SKA1: variants seen among roughly 807,000 people sequenced by gnomAD.
SKA1 encodes the protein spindle and kinetochore associated complex subunit 1.
SKA1 carries 20 observed loss-of-function variants against 31.8 expected under a neutral mutation model. The observed-to-expected ratio is 0.63, with a 90% CI of 0.44 to 0.91. The LOEUF (loss-of-function observed/expected upper bound fraction) is 0.91, where lower values mean the gene tolerates loss of function less well. Among genes scored for constraint, SKA1 ranks in the 40% least tolerant of loss-of-function variants. The probability of loss-of-function intolerance (pLI) is 0.00; values close to 1 mark genes in which losing one functional copy is unlikely to be tolerated. For missense variants in SKA1, 253 were observed against 298.2 expected, an observed-to-expected ratio of 0.85 and a Z score of 1.12; for synonymous variants, 88 against 100.5, an observed-to-expected ratio of 0.88 and a Z score of 0.74.
intron 2 of SKA1, among the ~76,000 whole-genome samples, chr18:50,378,674 CAAAAAAAA>C (rs60131407): frequency 0.037 from 4,837 of 130,166 alleles, 86 homozygotes; most frequent in African/African-American, 0.047. Context: ...GACCCTGTCT[CAAAAAAAA>C]AAAAAAAAAA....
chr18:50,377,477 A>G (rs1345355839), intron 2 of SKA1, among the ~76,000 whole-genome samples: 2 of 152,252 alleles, frequency 1.3e-5, no homozygotes, highest in Non-Finnish European at 2.9e-5. Flanking sequence ...TCACTGGGAA[A>G]TAACTAATTG....
At chr18:50,383,072 C>T (rs1476704605) in intron 4 of SKA1, among the ~76,000 whole-genome samples, 1 of 152,086 alleles carries the variant, frequency 6.6e-6, no homozygotes, top group African/African-American at 2.4e-5. Flanking sequence ...GAACAATAAG[C>T]TTAGCTCTTT....
Position 50,375,818 on chromosome 18 carries a change from A to G in SKA1, c.-11-2A>G, listed in dbSNP as rs573748449. On this transcript the variant is annotated splice_acceptor_variant, in intron 1 of 6. Coordinates refer to ENST00000285116, the MANE Select transcript of SKA1 (RefSeq NM_145060.4). LOFTEE classifies it low-confidence loss of function (5UTR_SPLICE). ...CGAATATGTTTATGTTTTTTTCTTCAGAGGCTTAAAGGATGGCCTCGTCAG... is the reference window on the plus strand; with the variant it reads ...CGAATATGTTTATGTTTTTTTCTTCGGAGGCTTAAAGGATGGCCTCGTCAG... 41 of 1,552,926 alleles carry G rather than the reference A, an allele frequency of 2.6e-5. No individual in the cohort carries two copies. The highest frequency in any genetic ancestry group is 3.5e-5 in the Non-Finnish European group (40 of 1,148,464).
rs751121337 is a variant in SKA1 at position 50,383,235 on chromosome 18, G to A, written c.311+1009G>A. 1.1e-3 allele frequency among the ~76,000 whole-genome samples: 172 copies of A among 152,188 alleles called. 1 individual carries two copies. Among genetic ancestry groups the A allele is most frequent in the Admixed American group, 1.8e-3 (28 of 15,290 alleles). The stretch of plus-strand genomic sequence containing the variant: ...GTCATGAAGAGGTCAAAAATCCCTC[G>A]TCAGCCCTGGTTCTACTTCTAAGAT... On this transcript the variant is annotated intron_variant, in intron 4 of 6. Transcript: ENST00000285116.
chr18:50,376,313 G>A (rs999575330), intron 2 of SKA1, among the ~76,000 whole-genome samples: 4 of 152,168 alleles, frequency 2.6e-5, no homozygotes, highest in Non-Finnish European at 5.9e-5. Flanking sequence ...TAGAATGTAC[G>A]TAAATGTACA....
intron 4 of SKA1, among the ~76,000 whole-genome samples, chr18:50,383,920 C>T (rs1215056686): frequency 6.6e-6 from 1 of 152,178 alleles, no homozygotes; most frequent in Non-Finnish European, 1.5e-5. Context: ...TTTATCTTGA[C>T]AGCGTGCAGC....
At position 50,375,861 on chromosome 18, in the gene SKA1, T is replaced by C. The variant is rs1226753265; in HGVS notation, c.31T>C (p.Ser11Pro). The C allele has an allele frequency of 5.6e-6, 9 of 1,611,596 alleles. No homozygotes were observed. The highest frequency in any genetic ancestry group is 1.3e-5 in the African/African-American group (1 of 74,822). MASSDLEQLC[S>P]HVNEKIGNIK... ...CTCGTCAGATCTGGAACAATTATGC[T>C]CTCATGTTAATGAAAAGATTGGCAA... Residue 11 changes from serine (S) to proline (P), a missense_variant, in exon 2 of 7, where the codon TCT becomes CCT. Ser to Pro is a moderately conservative substitution (Grantham distance 74). Transcript: ENST00000285116.
chr18:50,391,363 C>A, intron 6 of SKA1, 70 bp downstream of exon 6: 1 of 1,310,742 alleles, frequency 7.6e-7, no homozygotes. Flanking sequence ...AGAAATGTAG[C>A]TAGTTCTAGA....
intron 2 of SKA1, among the ~76,000 whole-genome samples, chr18:50,377,789 T>G (rs998888720): frequency 2.6e-5 from 4 of 152,212 alleles, no homozygotes; most frequent in Non-Finnish European, 5.9e-5. Flanking sequence ...GATAGGCCAT[T>G]TCGAATTATA....
chr18:50,380,148 T>A lies in SKA1; in HGVS notation c.111T>A (p.Thr37=). ...CAGGCCAGGAACCTACCTTGAAAAC[T>A]GTATTAAATAAAATAGGAGATGAGA... The part of the protein sequence containing the change: ...RNCGQEPTLK[T]VLNKIGDEII... Residue 37 remains threonine, a synonymous_variant, in exon 3 of 7, where the codon ACT becomes ACA. Coordinates refer to ENST00000285116, the MANE Select transcript of SKA1 (RefSeq NM_145060.4). 1 of 1,539,230 alleles carries A rather than the reference T, an allele frequency of 6.5e-7. No individual in the cohort carries two copies.
At chr18:50,377,634 A>G (rs187023797) in intron 2 of SKA1, among the ~76,000 whole-genome samples, 25 of 152,372 alleles carry the variant, frequency 1.6e-4, no homozygotes, top group Non-Finnish European at 1.6e-4. Flanking sequence ...AAAGAATTAC[A>G]TACTCCCTAA....
At chr18:50,375,773 T>C in intron 1 of SKA1, 47 bp from the exon 2 acceptor site, 2 of 1,252,006 alleles carry the variant, frequency 1.6e-6, no homozygotes, top group Non-Finnish European at 2.3e-6. Context: ...GAACAGAAAT[T>C]TGTGTGGCTT....
chr18:50,384,738 G>A (rs2041289818), intron 4 of SKA1, among the ~76,000 whole-genome samples: 4 of 132,022 alleles, frequency 3.0e-5, no homozygotes, highest in Admixed American at 2.8e-4. Context: ...GATAGCATTG[G>A]GAGATATACC....
Position 50,392,280 on chromosome 18 carries a change from G to T in SKA1, c.*33G>T. 1 of 1,329,438 alleles carries T rather than the reference G, an allele frequency of 7.5e-7. No individual in the cohort carries two copies. Among genetic ancestry groups the T allele is most frequent in the Non-Finnish European group, 1.0e-6 (1 of 1,003,338 alleles). 82.4% of individuals were successfully genotyped at this position (1,329,438 alleles called of 1,614,324 possible). A position where few individuals can be genotyped will look rare whatever the true frequency, so the allele number is the denominator to read the frequency against. ...GTGAACTTTTGAACATACCAACAGG[G>T]TATAGAGTATAGAGGCTATTTCTAT... On this transcript the variant is annotated 3_prime_UTR_variant, in exon 7 of 7. Coordinates refer to ENST00000285116, the MANE Select transcript of SKA1 (RefSeq NM_145060.4).
chr18:50,391,574 G>C (rs1435623017), intron 6 of SKA1, among the ~76,000 whole-genome samples: 1 of 152,212 alleles, frequency 6.6e-6, no homozygotes, highest in Non-Finnish European at 1.5e-5. Context: ...CACAGTGTCT[G>C]TAGTGCTGAG....
At chr18:50,375,229 A>T (rs1158684240) in intron 1 of SKA1, 35 bp downstream of exon 1, 1 of 152,494 alleles carries the variant, frequency 6.6e-6, no homozygotes, top group Non-Finnish European at 1.5e-5. Flanking sequence ...CTGCCTTTGG[A>T]AGCGCCCGAG....
chr18:50,379,999 C>A (rs1411843173), intron 2 of SKA1, 127 bp from the exon 3 acceptor site: 1 of 701,342 alleles, frequency 1.4e-6, no homozygotes, highest in Non-Finnish European at 2.2e-6. Context: ...TTTCTAGGGG[C>A]TAAAGCAGTA....
At chr18:50,378,421 A>G (rs2041238450) in intron 2 of SKA1, among the ~76,000 whole-genome samples, 1 of 152,248 alleles carries the variant, frequency 6.6e-6, no homozygotes, top group Admixed American at 6.5e-5. Context: ...ACACACCTGT[A>G]ATCCCAGCAC....
rs138368013 is a variant in SKA1, at chr18:50,388,462, G to T, written c.450-2662G>T. On this transcript the variant is annotated intron_variant, in intron 5 of 6. Coordinates refer to ENST00000285116, the MANE Select transcript of SKA1 (RefSeq NM_145060.4). ...GAAATTTTTTCTTAATAGATTCTGT[G>T]TCTTGTAGCTTGCTAAGTGTTAGTT... Among the ~76,000 whole-genome samples, 515 of 152,248 alleles carry T rather than the reference G, an allele frequency of 3.4e-3. 4 individuals are homozygous for T. Among genetic ancestry groups the T allele is most frequent in the African/African-American group, 0.011 (458 of 41,542 alleles).
Sources: allele counts gnomAD v4.1 joint callset (sites outside exome capture counted in the v4.1 genomes callset), GRCh38; gene constraint gnomAD v4.1.1; transcripts MANE v1.5; gene names NCBI Gene and HGNC (gene_info 2026-07-23, HGNC 2026-07-21).